MAST4: variants seen among roughly 807,000 people sequenced by gnomAD.
MAST4 encodes the protein microtubule-associated serine/threonine-protein kinase 4.
Under a neutral mutation model 162.7 loss-of-function variants are expected in MAST4, and 89 were observed. The ratio of observed to expected loss-of-function variants is 0.55; its 90% confidence interval spans 0.46 to 0.65. The LOEUF is 0.65. Among genes scored for constraint, MAST4 ranks in the 30% least tolerant of loss-of-function variants. The pLI, the probability that MAST4 is intolerant of heterozygous loss-of-function variation, is 0.00. For synonymous variants in MAST4, 1,479 were observed against 1,361.1 expected, an observed-to-expected ratio of 1.09 and a Z score of -1.91; for missense variants, 3,153 against 3,374.0, an observed-to-expected ratio of 0.93 and a Z score of 1.62.
intron 4 of MAST4, among the ~76,000 whole-genome samples, chr5:66,913,874 A>G (rs890979316): frequency 2.6e-5 from 4 of 152,182 alleles, no homozygotes; most frequent in Non-Finnish European, 4.4e-5. Flanking sequence ...TCGTTCCCGC[A>G]CCATTTGTTG....
intron 4 of MAST4, chr5:66,959,221 A>C: frequency 1.3e-6 from 1 of 779,646 alleles, no homozygotes; most frequent in Non-Finnish European, 2.4e-6. Flanking sequence ...TCATGGTTAC[A>C]ATAGAGTGTG....
intron 5 of MAST4, among the ~76,000 whole-genome samples, chr5:67,060,932 C>T (rs530471166): frequency 7.2e-5 from 11 of 152,068 alleles, no homozygotes; most frequent in Non-Finnish European, 8.8e-5. Flanking sequence ...GTGACTGTTT[C>T]GTTTTAAAAT....
chr5:66,771,666 G>A (rs778729093), intron 2 of MAST4, among the ~76,000 whole-genome samples: 15 of 151,902 alleles, frequency 9.9e-5, no homozygotes, highest in Admixed American at 2.6e-4. Flanking sequence ...TCCTTCCCGA[G>A]GAAACAAGAT....
chr5:66,723,909 G>A (rs537197629), intron 1 of MAST4, among the ~76,000 whole-genome samples: 4 of 152,206 alleles, frequency 2.6e-5, no homozygotes, highest in Admixed American at 6.5e-5. Flanking sequence ...TGAAATTTAC[G>A]TCAGGCAGAT....
chr5:67,003,288 G>T (rs978167215), intron 4 of MAST4, among the ~76,000 whole-genome samples: 10 of 152,102 alleles, frequency 6.6e-5, no homozygotes, highest in African/African-American at 2.4e-4. Flanking sequence ...GGGTTGCAAG[G>T]ATCTGTGGAG....
At chr5:67,107,716 C>A (rs1765752433) in intron 10 of MAST4, among the ~76,000 whole-genome samples, 1 of 152,178 alleles carries the variant, frequency 6.6e-6, no homozygotes, top group Admixed American at 6.5e-5. Flanking sequence ...CAGGTAAAAT[C>A]CCCCTAAGGT....
intron 3 of MAST4, among the ~76,000 whole-genome samples, chr5:66,888,875 T>A (rs576757815): frequency 6.6e-6 from 1 of 152,338 alleles, no homozygotes; most frequent in South Asian, 2.1e-4. Context: ...TTATTCCACA[T>A]CATTGATATT....
At position 67,164,798 on chromosome 5, in the gene MAST4, G is replaced by T. The variant is rs994408114; in HGVS notation, c.5619G>T (p.Glu1873Asp). The T allele has an allele frequency of 6.2e-7, 1 of 1,613,856 alleles. No individual in the cohort carries two copies. Among genetic ancestry groups the T allele is most frequent in the Admixed American group, 1.7e-5 (1 of 60,004 alleles). ...SLKMNKSYLL[E>D]PWFLPPSRGL... is the part of the protein sequence containing the mutation. ...AGATGAATAAATCCTACCTGCTGGAGCCTTGGTTCCTGCCCCCCAGCCGAG... is the reference window on the plus strand; with the variant it reads ...AGATGAATAAATCCTACCTGCTGGATCCTTGGTTCCTGCCCCCCAGCCGAG... The change falls in exon 29 of 29, where the codon GAG becomes GAT. Residue 1873 changes from glutamate to aspartate, a missense_variant. Glu to Asp is a conservative substitution (Grantham distance 45). Transcript: ENST00000403625. This position sits in a 1 kb window ranked among gnomAD's most constrained non-coding sequence, Gnocchi z 5.3.
chr5:67,037,083 G>T (rs1054057938), intron 4 of MAST4, among the ~76,000 whole-genome samples: 12 of 152,062 alleles, frequency 7.9e-5, no homozygotes, highest in African/African-American at 2.9e-4. Flanking sequence ...TTCCAGGGTG[G>T]TTGTTGAGTG....
At chr5:67,091,722 T>G (rs975159896) in intron 6 of MAST4, among the ~76,000 whole-genome samples, 1 of 152,104 alleles carries the variant, frequency 6.6e-6, no homozygotes, top group Non-Finnish European at 1.5e-5. Context: ...CCTGGCAGAT[T>G]TATAAAAATG....
At chr5:67,096,067 A>G (rs1561646483) in intron 7 of MAST4, among the ~76,000 whole-genome samples, 1 of 152,076 alleles carries the variant, frequency 6.6e-6, no homozygotes, top group Non-Finnish European at 1.5e-5. Flanking sequence ...TGTGGCTTAG[A>G]TAGAGGTTTG....
intron 4 of MAST4, among the ~76,000 whole-genome samples, chr5:66,934,813 A>G (rs185942971): frequency 4.3e-4 from 65 of 152,294 alleles, no homozygotes; most frequent in African/African-American, 1.3e-3. Context: ...GTGGCAGAGA[A>G]TGTTGTCAAA....
intron 4 of MAST4, among the ~76,000 whole-genome samples, chr5:66,992,319 A>G (rs1750154022): frequency 6.6e-6 from 1 of 152,206 alleles, no homozygotes; most frequent in Admixed American, 6.5e-5. Context: ...GTCTATATCA[A>G]GAACTGATGT....
At chr5:66,807,705 G>A (rs1265731958) in intron 3 of MAST4, among the ~76,000 whole-genome samples, 1 of 152,050 alleles carries the variant, frequency 6.6e-6, no homozygotes, top group Non-Finnish European at 1.5e-5. Context: ...ATACTCATGG[G>A]AACCGTAGGG....
chr5:66,721,823 A>C (rs1459876274), intron 1 of MAST4, among the ~76,000 whole-genome samples: 2 of 151,728 alleles, frequency 1.3e-5, no homozygotes, highest in African/African-American at 4.8e-5. Context: ...CCATCCCAGG[A>C]AATGCCTGCT....
At chr5:66,837,888 ATATATATTTTTTTTT>A (rs1430529213) in intron 3 of MAST4, among the ~76,000 whole-genome samples, 85 of 34,922 alleles carry the variant, frequency 2.4e-3, no homozygotes, top group African/African-American at 0.012. Flanking sequence ...ATATATATAT[ATATATATTTTTTTTT>A]TTTTTTTTTT....
intron 1 of MAST4, 140 bp from the exon 2 acceptor site, chr5:66,759,569 A>C: frequency 9.5e-7 from 1 of 1,054,926 alleles, no homozygotes. Flanking sequence ...AAATTCTCTA[A>C]CGTAGCAAAA....
At chr5:66,606,090 C>T (rs949904711) in intron 1 of MAST4, among the ~76,000 whole-genome samples, 1 of 152,232 alleles carries the variant, frequency 6.6e-6, no homozygotes, top group African/African-American at 2.4e-5. Context: ...ACCTGTCATT[C>T]CTTGTTCTTA....
intron 3 of MAST4, among the ~76,000 whole-genome samples, chr5:66,865,935 CG>C (rs911148223): frequency 6.6e-6 from 1 of 151,822 alleles, no homozygotes; most frequent in African/African-American, 2.4e-5. Context: ...ATTAACTGGG[CG>C]TGGTGGTGCA....
Sources: gnomAD v4.1 joint callset for allele counts (sites outside exome capture counted in the v4.1 genomes callset) on GRCh38, gnomAD v4.1.1 for gene constraint, Gnocchi (gnomAD v3.1) non-coding constraint, MANE v1.5 for transcripts, NCBI Gene and HGNC (gene_info 2026-07-23, HGNC 2026-07-21) for gene names.